Variants in RHOJ observed in about 807,000 individuals in gnomAD.
The protein encoded by RHOJ is rho-related GTP-binding protein RhoJ.
In RHOJ, 11 loss-of-function variants were observed where a neutral mutation model predicts 23.4. The ratio of observed to expected loss-of-function variants is 0.47; its 90% CI spans 0.30 to 0.78. The LOEUF (loss-of-function observed/expected upper bound fraction) is 0.78. Ranked by LOEUF, RHOJ falls within the 30% of genes least tolerant of loss-of-function variation. The pLI, the probability that RHOJ is intolerant of heterozygous loss-of-function variation, is 0.08. For synonymous variants in RHOJ, 102 were observed against 102.7 expected, an observed-to-expected ratio of 0.99 and a Z score of 0.04; for missense variants, 254 against 273.4, an observed-to-expected ratio of 0.93 and a Z score of 0.50.
At chr14:63,271,378 G>A (rs1345212151) in intron 2 of RHOJ, among the ~76,000 whole-genome samples, 1 of 152,152 alleles carries the variant, frequency 6.6e-6, no homozygotes, top group African/African-American at 2.4e-5. Flanking sequence ...ACCCATGGGA[G>A]ACCTTTCAGC....
intron 1 of RHOJ, among the ~76,000 whole-genome samples, chr14:63,252,069 G>A (rs1895081679): frequency 6.6e-6 from 1 of 152,134 alleles, no homozygotes; most frequent in South Asian, 2.1e-4. Context: ...CTGGGCAACA[G>A]AGAGAAACTC....
chr14:63,280,880 T>A, intron 2 of RHOJ, 91 bp from the exon 3 acceptor site: 1 of 1,217,192 alleles, frequency 8.2e-7, no homozygotes, highest in Non-Finnish European at 1.1e-6. Context: ...CCCAGTGCGC[T>A]GTAGTGGACT....
intron 1 of RHOJ, among the ~76,000 whole-genome samples, chr14:63,208,515 G>C (rs1211320370): frequency 6.6e-6 from 1 of 152,116 alleles, no homozygotes; most frequent in African/African-American, 2.4e-5. Flanking sequence ...TCCTCCTCTT[G>C]ATCTCTTGGA....
chr14:63,238,575 C>T (rs774356417), intron 1 of RHOJ, among the ~76,000 whole-genome samples: 9 of 152,180 alleles, frequency 5.9e-5, no homozygotes, highest in Admixed American at 1.3e-4. Flanking sequence ...GCACACAACA[C>T]CATGCCCGGA....
chr14:63,237,358 A>T (rs1894808145), intron 1 of RHOJ, among the ~76,000 whole-genome samples: 1 of 152,232 alleles, frequency 6.6e-6, no homozygotes. Flanking sequence ...AAAAGCTTTA[A>T]AATTTAAAAA....
At chr14:63,246,902 G>C (rs962323443) in intron 1 of RHOJ, among the ~76,000 whole-genome samples, 2 of 152,164 alleles carry the variant, frequency 1.3e-5, no homozygotes, top group Non-Finnish European at 2.9e-5. Context: ...CCTGTTTACA[G>C]GTTTATGAGA....
chr14:63,249,007 A>G (rs112620735), intron 1 of RHOJ, among the ~76,000 whole-genome samples: 3 of 152,218 alleles, frequency 2.0e-5, no homozygotes, highest in Non-Finnish European at 2.9e-5. Context: ...CAGGTCATGT[A>G]CCAGTGCCTA....
In RHOJ at chr14:63,272,978, G is replaced by T. The variant is rs751528248; in HGVS notation, c.237+3810G>T. On this transcript the variant is annotated intron_variant, in intron 2 of 4. Coordinates refer to ENST00000316754, the MANE Select transcript of RHOJ (RefSeq NM_020663.5). ...GCGGAGGTAGCAGTAAGCTGAGATCGCACCATTGCACTCCAGCCTAGGCAA... is the reference window on the plus strand; with the variant it reads ...GCGGAGGTAGCAGTAAGCTGAGATCTCACCATTGCACTCCAGCCTAGGCAA... 3.3e-5 allele frequency among the ~76,000 whole-genome samples: 5 copies of T among 152,164 alleles called. No homozygotes were observed. The South Asian group carries it at 1.0e-3, about 32-fold the overall frequency.
chr14:63,262,278 AG>A (rs1213514217), intron 1 of RHOJ, among the ~76,000 whole-genome samples: 1 of 152,186 alleles, frequency 6.6e-6, no homozygotes. Context: ...TGCTAAGGGA[AG>A]TAGACGTAAG....
chr14:63,217,085 C>CTTTT (rs71120253), intron 1 of RHOJ, among the ~76,000 whole-genome samples: 9 of 148,830 alleles, frequency 6.0e-5, no homozygotes, highest in African/African-American at 1.5e-4. Flanking sequence ...TTCTTTTTTT[C>CTTTT]TTTTTTTTTT....
At chr14:63,207,908 A>G (rs933043732) in intron 1 of RHOJ, among the ~76,000 whole-genome samples, 4 of 152,224 alleles carry the variant, frequency 2.6e-5, no homozygotes, top group African/African-American at 7.2e-5. Flanking sequence ...CATGGTAGCT[A>G]TTAAGAATAC....
intron 1 of RHOJ, among the ~76,000 whole-genome samples, chr14:63,244,075 C>G (rs1159569241): frequency 6.6e-6 from 1 of 152,188 alleles, no homozygotes; most frequent in Non-Finnish European, 1.5e-5. Context: ...CTATTTACTT[C>G]TCATCTTCAG....
intron 1 of RHOJ, among the ~76,000 whole-genome samples, chr14:63,236,748 A>AACACACACACACACACACAC (rs59297455): frequency 5.3e-4 from 74 of 138,450 alleles, no homozygotes; most frequent in African/African-American, 1.8e-3. Context: ...AGAGGCTTGA[A>AACACACACACACACACACAC]ACACACACAC....
At chr14:63,274,763 A>G (rs1168848547) in intron 2 of RHOJ, among the ~76,000 whole-genome samples, 2 of 152,198 alleles carry the variant, frequency 1.3e-5, no homozygotes, top group Non-Finnish European at 2.9e-5. Context: ...CCAGGATCAC[A>G]CCATAGTCAC....
intron 1 of RHOJ, among the ~76,000 whole-genome samples, chr14:63,211,465 T>C (rs1894236667): frequency 6.6e-6 from 1 of 151,742 alleles, no homozygotes; most frequent in South Asian, 2.1e-4. Context: ...ACTTCATCTC[T>C]AAAAAAAAAT....
At chr14:63,270,260 C>G (rs1478485403) in intron 2 of RHOJ, among the ~76,000 whole-genome samples, 1 of 146,644 alleles carries the variant, frequency 6.8e-6, no homozygotes, top group African/African-American at 2.6e-5. Flanking sequence ...ATGGAATTCT[C>G]TTTGGGGATT....
intron 1 of RHOJ, among the ~76,000 whole-genome samples, chr14:63,240,688 A>T (rs573170466): frequency 2.6e-5 from 4 of 152,364 alleles, no homozygotes; most frequent in East Asian, 1.9e-4. Flanking sequence ...CTTGTTTTAT[A>T]AACCTGTTAT....
chr14:63,287,667 G>A (rs1882123925), intron 4 of RHOJ, among the ~76,000 whole-genome samples: 1 of 150,608 alleles, frequency 6.6e-6, no homozygotes, highest in South Asian at 2.1e-4. Flanking sequence ...CTGCTTTTGA[G>A]ATAATAAGTT....
chr14:63,226,404 G>A (rs1045852782), intron 1 of RHOJ, among the ~76,000 whole-genome samples: 21 of 152,106 alleles, frequency 1.4e-4, no homozygotes, highest in African/African-American at 4.3e-4. Context: ...TCAGAGAAAT[G>A]TAGGTAAAAT....
Sources: allele counts gnomAD v4.1 joint callset (sites outside exome capture counted in the v4.1 genomes callset), GRCh38; gene constraint gnomAD v4.1.1; transcripts MANE v1.5; gene names NCBI Gene and HGNC (gene_info 2026-07-23, HGNC 2026-07-21).